NFKB1: variants seen among roughly 807,000 people sequenced by gnomAD.
The protein encoded by NFKB1 is nuclear factor NF-kappa-B p105 subunit.
NFKB1 carries 9 observed loss-of-function variants against 105.1 expected under a neutral mutation model. The observed-to-expected ratio is 0.09, with a 90% CI of 0.05 to 0.15. The LOEUF is 0.15. Among genes scored for constraint, NFKB1 ranks in the 10% least tolerant of loss-of-function variants. The pLI is 1.00. For missense variants in NFKB1, 830 were observed against 1,203.7 expected (o/e 0.69, Z 4.59); for synonymous variants, 440 against 442.2 (o/e 1.00, Z 0.06).
chr4:102,561,409 C>G (rs566736106), intron 5 of NFKB1, among the ~76,000 whole-genome samples: 79 of 152,032 alleles, frequency 5.2e-4, no homozygotes, highest in Non-Finnish European at 1.0e-3. Context: ...TCTACCACTT[C>G]TTATAGCCAT....
chr4:102,566,911 C>T (rs1247266550), intron 5 of NFKB1, 76 bp from the exon 6 acceptor site: 3 of 1,482,066 alleles, frequency 2.0e-6, no homozygotes, highest in Non-Finnish European at 2.8e-6. Context: ...TTTATACTTA[C>T]TGGCTTATCA....
intron 1 of NFKB1, among the ~76,000 whole-genome samples, chr4:102,524,236 C>T (rs1171413775): frequency 2.0e-5 from 3 of 151,996 alleles, no homozygotes; most frequent in Non-Finnish European, 4.4e-5. Context: ...CTTTATCTGA[C>T]CATGTGGTTC....
intron 3 of NFKB1, among the ~76,000 whole-genome samples, chr4:102,533,632 C>T (rs1041930402): frequency 2.0e-5 from 3 of 152,076 alleles, no homozygotes; most frequent in Admixed American, 6.6e-5. Context: ...TATTGTGGTT[C>T]GCTAAACTCG....
intron 16 of NFKB1, among the ~76,000 whole-genome samples, chr4:102,601,460 G>A (rs1480690388): frequency 6.6e-6 from 1 of 152,100 alleles, no homozygotes; most frequent in Non-Finnish European, 1.5e-5. Context: ...CACACAGAAA[G>A]GTTAAAAGTT....
At chr4:102,602,343 A>C in intron 16 of NFKB1, among the ~76,000 whole-genome samples, 1 of 151,544 alleles carries the variant, frequency 6.6e-6, no homozygotes, top group Non-Finnish European at 1.5e-5. Context: ...ATCCTGGCTA[A>C]CATGGTGAAA....
chr4:102,565,026 A>G (rs187298048), intron 5 of NFKB1, among the ~76,000 whole-genome samples: 32 of 152,334 alleles, frequency 2.1e-4, no homozygotes, highest in African/African-American at 7.5e-4. Flanking sequence ...TAGGGACAGC[A>G]GTCAGCTTTG....
chr4:102,521,056 G>T (rs1445797384), intron 1 of NFKB1, among the ~76,000 whole-genome samples: 1 of 152,034 alleles, frequency 6.6e-6, no homozygotes, highest in Non-Finnish European at 1.5e-5. Flanking sequence ...TTTAACAGTT[G>T]CATATTTAAC....
chr4:102,613,766 C>T (rs759073835), intron 23 of NFKB1, among the ~76,000 whole-genome samples, 185 bp downstream of exon 23: 2 of 152,088 alleles, frequency 1.3e-5, no homozygotes, highest in Admixed American at 6.5e-5. Context: ...ATGAGGGGGT[C>T]GTACCCTTGG....
rs1392377047 is a variant in NFKB1, at chr4:102,594,922, C to T, written c.1241C>T (p.Thr414Ile). The change falls in exon 13 of 24, where the codon ACT becomes ATT. Residue 414 changes from threonine to isoleucine, a missense_variant. Thr to Ile is a moderately conservative substitution (Grantham distance 89, BLOSUM62 -1). Coordinates refer to ENST00000226574, the MANE Select transcript of NFKB1 (RefSeq NM_003998.4). The stretch of plus-strand genomic sequence containing the variant: ...AGCTTCCCACACTATGGATTTCCTA[C>T]TTATGGTGGGATTACTTTCCATCCT... The part of the protein sequence containing the change: ...GYSFPHYGFP[T>I]YGGITFHPGT... 1 of 1,611,588 alleles carries T rather than the reference C, an allele frequency of 6.2e-7. No homozygotes were observed. The highest frequency in any genetic ancestry group is 1.7e-5 in the Admixed American group (1 of 59,896).
chr4:102,509,067 A>G (rs1470339862), intron 1 of NFKB1, among the ~76,000 whole-genome samples: 1 of 152,190 alleles, frequency 6.6e-6, no homozygotes, highest in African/African-American at 2.4e-5. Context: ...TCACCACATT[A>G]TGAAAAAACA....
At chr4:102,616,315 T>A in intron 23 of NFKB1, 119 bp from the exon 24 acceptor site, 1 of 1,009,546 alleles carries the variant, frequency 9.9e-7, no homozygotes, top group Non-Finnish European at 1.5e-6. Flanking sequence ...ACAGTGAGGG[T>A]GGCATAGGTG....
Position 102,578,514 on chromosome 4 carries a change from T to C in NFKB1, c.572-367T>C, listed in dbSNP as rs938875954. 4 of 267,056 alleles carry C rather than the reference T, an allele frequency of 1.5e-5. No individual in the cohort carries two copies. The East Asian group carries it at 2.7e-4, about 18-fold the overall frequency. 16.5% of individuals were successfully genotyped at this position (267,056 alleles called of 1,614,324 possible). A position where few individuals can be genotyped will look rare whatever the true frequency, so the allele number is the denominator to read the frequency against. Reference sequence around the variant, plus strand: ...GCAGCTCTTGGAATAATTTGCACACTTCTCAATACAGCTGGTGCCTAGTAG... The same window carrying C: ...GCAGCTCTTGGAATAATTTGCACACCTCTCAATACAGCTGGTGCCTAGTAG... On this transcript the variant is annotated intron_variant, in intron 7 of 23. Transcript: ENST00000226574.
Position 102,613,559 on chromosome 4 carries a change from T to G in NFKB1, c.2727T>G (p.Pro909=), listed in dbSNP as rs1728645189. ...AGGCCCACTCGCTGCCTCTCTCGCCTGCCTCCACAAGGCAGCAAATAGGTA... is the reference window on the plus strand; with the variant it reads ...AGGCCCACTCGCTGCCTCTCTCGCCGGCCTCCACAAGGCAGCAAATAGGTA... ...TSQAHSLPLS[P]ASTRQQIDEL... is the part of the protein sequence containing the mutation. Residue 909 remains proline, a synonymous_variant, in exon 23 of 24, where the codon CCT becomes CCG. Transcript: ENST00000226574. 8.1e-6 allele frequency: 13 copies of G among 1,613,422 alleles called. No individual in the cohort carries two copies. In the East Asian group the frequency reaches 2.9e-4, roughly 36 times the overall value.
At chr4:102,572,038 T>G (rs766832173) in intron 6 of NFKB1, among the ~76,000 whole-genome samples, 3 of 152,188 alleles carry the variant, frequency 2.0e-5, no homozygotes, top group Non-Finnish European at 4.4e-5. Context: ...TGCACACTTA[T>G]GTTTATTGCA....
At chr4:102,510,713 T>C (rs1393667843) in intron 1 of NFKB1, among the ~76,000 whole-genome samples, 1 of 152,228 alleles carries the variant, frequency 6.6e-6, no homozygotes, top group African/African-American at 2.4e-5. Context: ...CTCGCATTCA[T>C]ATTTCTCCAA....
chr4:102,546,517 C>A (rs1474967823), intron 5 of NFKB1, among the ~76,000 whole-genome samples: 2 of 152,130 alleles, frequency 1.3e-5, no homozygotes, highest in African/African-American at 2.4e-5. Flanking sequence ...ATAACATTTT[C>A]TTTAATGCAT....
At chr4:102,511,678 A>G (rs1041557370) in intron 1 of NFKB1, among the ~76,000 whole-genome samples, 3 of 152,190 alleles carry the variant, frequency 2.0e-5, no homozygotes, top group African/African-American at 7.2e-5. Flanking sequence ...TGTCTCAAAA[A>G]AGGAAAAAAA....
chr4:102,595,109 C>G, intron 13 of NFKB1, 128 bp downstream of exon 13: 1 of 571,912 alleles, frequency 1.7e-6, no homozygotes, highest in Non-Finnish European at 3.1e-6. Context: ...TGCAAATAAA[C>G]TAAGAAGATA....
At position 102,601,341 on chromosome 4, in the gene NFKB1, TA is replaced by T. The variant is rs3834210; in HGVS notation, c.1752+339del. On this transcript the variant is annotated intron_variant, in intron 16 of 23. Transcript: ENST00000226574. ...TCACATCTGTCAAGAAAAATAAAGTTAAAAAAAGTTTGAAAAGCCAGTAATT... is the reference window on the plus strand; with the variant it reads ...TCACATCTGTCAAGAAAAATAAAGTTAAAAAAGTTTGAAAAGCCAGTAATT... Among the ~76,000 whole-genome samples, 857 of 151,420 alleles carry T rather than the reference TA, an allele frequency of 5.7e-3. 5 individuals are homozygous for T. Among genetic ancestry groups the T allele is most frequent in the Non-Finnish European group, 9.7e-3 (658 of 67,610 alleles).
Sources: gnomAD v4.1 joint callset for allele counts (sites outside exome capture counted in the v4.1 genomes callset) on GRCh38, gnomAD v4.1.1 for gene constraint, MANE v1.5 for transcripts, NCBI Gene and HGNC (gene_info 2026-07-23, HGNC 2026-07-21) for gene names.